ARMC3: variants seen among roughly 807,000 people sequenced by gnomAD.
ARMC3 encodes armadillo repeat containing 3.
Under a neutral mutation model 90.3 loss-of-function variants are expected in ARMC3, and 74 were observed. The observed-to-expected ratio is 0.82, with a 90% CI of 0.68 to 0.99. ARMC3 has a LOEUF of 0.99. ARMC3 is among the 50% of genes least tolerant of loss of function. The pLI is 0.00. For synonymous variants in ARMC3, 334 were observed against 361.8 expected, an observed-to-expected ratio of 0.92 and a Z score of 0.87; for missense variants, 958 against 1,042.8, an observed-to-expected ratio of 0.92 and a Z score of 1.12.
At chr10:23,008,637 C>G (rs550289892) in intron 15 of ARMC3, among the ~76,000 whole-genome samples, 178 bp from the exon 16 acceptor site, 1 of 152,142 alleles carries the variant, frequency 6.6e-6, no homozygotes, top group African/African-American at 2.4e-5. Flanking sequence ...GTTTCCTTAG[C>G]TGTGGACGAA....
intron 2 of ARMC3, among the ~76,000 whole-genome samples, chr10:22,933,857 T>G (rs557353636): frequency 6.6e-6 from 1 of 152,080 alleles, no homozygotes; most frequent in Non-Finnish European, 1.5e-5. Context: ...TGCACTTCAG[T>G]CTAGGCAACA....
At chr10:23,002,587 TC>T (rs1837356572) in intron 12 of ARMC3, among the ~76,000 whole-genome samples, 1 of 142,416 alleles carries the variant, frequency 7.0e-6, no homozygotes, top group African/African-American at 2.6e-5. Flanking sequence ...TCTTTCTTTT[TC>T]TTTCTTTTCT....
chr10:22,965,510 G>A (rs888835063), intron 7 of ARMC3, among the ~76,000 whole-genome samples: 1 of 152,130 alleles, frequency 6.6e-6, no homozygotes, highest in African/African-American at 2.4e-5. Flanking sequence ...TCTTCTGCAT[G>A]GAAGTGATAT....
chr10:23,003,537 T>G, intron 13 of ARMC3, 123 bp downstream of exon 13: 1 of 876,924 alleles, frequency 1.1e-6, no homozygotes, highest in East Asian at 2.8e-5. Context: ...GGCAGAAACT[T>G]GAAAATCAGC....
At chr10:22,983,312 G>A (rs1278026912) in intron 10 of ARMC3, among the ~76,000 whole-genome samples, 1 of 152,118 alleles carries the variant, frequency 6.6e-6, no homozygotes, top group Non-Finnish European at 1.5e-5. Context: ...AGGATGGTAA[G>A]TAGTTCTAAA....
intron 6 of ARMC3, chr10:22,960,869 A>G (rs1016683476): frequency 3.3e-5 from 5 of 152,332 alleles, no homozygotes; most frequent in Non-Finnish European, 7.3e-5. Flanking sequence ...GTGGCCATCC[A>G]TTGGTGGCAT....
chr10:23,019,554 T>G (rs1838423874), intron 16 of ARMC3, among the ~76,000 whole-genome samples: 1 of 152,182 alleles, frequency 6.6e-6, no homozygotes, highest in Non-Finnish European at 1.5e-5. Context: ...TTTGTTTTGT[T>G]TTTTTTAGAG....
Position 22,968,340 on chromosome 10 carries a change from T to C in ARMC3, c.767T>C (p.Val256Ala). Residue 256 changes from valine to alanine, a missense_variant, in exon 8 of 19, where the codon GTG (valine) becomes GCG (alanine). Val to Ala is a moderately conservative substitution (Grantham distance 64, BLOSUM62 0). Transcript: ENST00000298032. ...GACCTTCATATAGAAGCACTTGCAG[T>C]GATAGCCAATTGCCTTGAAGACATG... The part of the protein sequence containing the change: ...LNDLHIEALA[V>A]IANCLEDMDT... 1 of 1,614,038 alleles carries C rather than the reference T, an allele frequency of 6.2e-7. No homozygotes were observed. The highest frequency in any genetic ancestry group is 8.5e-7 in the Non-Finnish European group (1 of 1,179,934).
At chr10:23,036,383 A>C (rs888226564) in intron 18 of ARMC3, among the ~76,000 whole-genome samples, 8 of 152,216 alleles carry the variant, frequency 5.3e-5, no homozygotes, top group Admixed American at 5.2e-4. Context: ...TAATATATAC[A>C]TATACAGGGT....
intron 16 of ARMC3, among the ~76,000 whole-genome samples, chr10:23,022,841 A>T (rs1264656792): frequency 1.3e-5 from 2 of 151,908 alleles, no homozygotes; most frequent in Non-Finnish European, 1.5e-5. Context: ...GCCAGAAGGG[A>T]CCTGCTCAGA....
chr10:22,959,543 A>G lies in ARMC3; in HGVS notation c.506A>G (p.Asn169Ser). 1 of 1,607,888 alleles carries G rather than the reference A, an allele frequency of 6.2e-7. No individual in the cohort carries two copies. The highest frequency in any genetic ancestry group is 8.5e-7 in the Non-Finnish European group (1 of 1,178,750). ...LSSPDPDVKK[N>S]SMECIYNLVQ... The stretch of plus-strand genomic sequence containing the variant: ...AGCCCTGACCCGGATGTAAAGAAGA[A>G]CTCTATGGAATGCATTTACAACTTG... Residue 169 changes from asparagine (N) to serine (S), a missense_variant, in exon 6 of 19, where the codon AAC becomes AGC. Transcript: ENST00000298032.
In ARMC3 at chr10:23,036,964, G is replaced by A. The variant is rs373391617; in HGVS notation, c.2410-306G>A. Among the ~76,000 whole-genome samples the A allele has an allele frequency of 3.3e-5, 5 of 152,328 alleles. No individual in the cohort carries two copies. The East Asian group carries it at 9.7e-4, about 29-fold the overall frequency. Reference sequence around the variant, plus strand: ...TGGAAAGATGGATAGATGCACTAGTGCAAAGAGTGCACAGAATAGCTTTTT... The same window carrying A: ...TGGAAAGATGGATAGATGCACTAGTACAAAGAGTGCACAGAATAGCTTTTT... On this transcript the variant is annotated intron_variant, in intron 18 of 18. Coordinates refer to ENST00000298032, the MANE Select transcript of ARMC3 (RefSeq NM_173081.5).
chr10:22,997,420 A>G (rs1402064505), intron 10 of ARMC3: 1 of 152,210 alleles, frequency 6.6e-6, no homozygotes, highest in African/African-American at 2.4e-5. Context: ...AAATGTTAGT[A>G]TATTAATGGT....
intron 3 of ARMC3, 143 bp downstream of exon 3, chr10:22,946,404 T>G: frequency 1.9e-6 from 1 of 538,304 alleles, no homozygotes; most frequent in Non-Finnish European, 3.3e-6. Context: ...TTTAATGCAT[T>G]ACCTAAGAGC....
At chr10:22,948,864 C>T (rs1402524309) in intron 3 of ARMC3, among the ~76,000 whole-genome samples, 1 of 152,126 alleles carries the variant, frequency 6.6e-6, no homozygotes, top group Non-Finnish European at 1.5e-5. Context: ...CTCAGGAGCT[C>T]TGTAAAGGGT....
chr10:22,955,712 G>A lies in ARMC3; in HGVS notation c.167-95G>A, dbSNP rs1834908409. ...AACGGAAGCCAAGAGTAATGTGAAA[G>A]GCAAATGGCAAATAAGAAATTGGAA... On this transcript the variant is annotated intron_variant, in intron 3 of 18. Coordinates refer to ENST00000298032, the MANE Select transcript of ARMC3 (RefSeq NM_173081.5). 6 of 1,465,674 alleles carry A rather than the reference G, an allele frequency of 4.1e-6. No homozygotes were observed. The South Asian group carries it at 6.8e-5, about 16-fold the overall frequency. The allele number at this position is 1,465,674 out of a possible 1,614,324, so 90.8% of individuals were successfully genotyped here.
chr10:22,964,718 G>A (rs1285539451), intron 7 of ARMC3, among the ~76,000 whole-genome samples: 1 of 151,400 alleles, frequency 6.6e-6, no homozygotes, highest in Non-Finnish European at 1.5e-5. Flanking sequence ...TGGGACTACA[G>A]GCATGAGCCA....
chr10:22,963,943 A>C, intron 7 of ARMC3, among the ~76,000 whole-genome samples: 5 of 128,490 alleles, frequency 3.9e-5, no homozygotes, highest in Non-Finnish European at 7.2e-5. Context: ...AAAAAAAAAA[A>C]AAAAAAAGAC....
intron 10 of ARMC3, chr10:22,997,229 C>G (rs1032263341): frequency 3.3e-5 from 5 of 152,188 alleles, no homozygotes; most frequent in African/African-American, 1.2e-4. Context: ...GAGCTTTAAA[C>G]TGATTTAAAA....
Sources: gnomAD v4.1 joint callset for allele counts (sites outside exome capture counted in the v4.1 genomes callset) on GRCh38, gnomAD v4.1.1 for gene constraint, MANE v1.5 for transcripts, NCBI Gene and HGNC (gene_info 2026-07-23, HGNC 2026-07-21) for gene names.